Variants in PTPRN2 observed in about 807,000 individuals in gnomAD.
PTPRN2 encodes protein tyrosine phosphatase receptor type N2.
Under a neutral mutation model 118.8 loss-of-function variants are expected in PTPRN2, and 74 were observed. The ratio of observed to expected loss-of-function variants is 0.62; its 90% CI spans 0.52 to 0.76. The LOEUF (loss-of-function observed/expected upper bound fraction) is 0.76, where lower values mean the gene tolerates loss of function less well. Among genes scored for constraint, PTPRN2 ranks in the 30% least tolerant of loss-of-function variants. The pLI is 0.00. For missense variants in PTPRN2, 1,481 were observed against 1,394.4 expected, an observed-to-expected ratio of 1.06 and a Z score of -0.99; for synonymous variants, 641 against 608.0, an observed-to-expected ratio of 1.05 and a Z score of -0.80.
chr7:158,132,034 C>T (rs922822006), intron 9 of PTPRN2, among the ~76,000 whole-genome samples: 1 of 151,812 alleles, frequency 6.6e-6, no homozygotes, highest in Non-Finnish European at 1.5e-5. Flanking sequence ...GACATATACA[C>T]TCATACACAC....
At chr7:157,984,432 T>TCCACCCCCC (rs71189753) in intron 11 of PTPRN2, among the ~76,000 whole-genome samples, 1 of 1,686 alleles carries the variant, frequency 5.9e-4, no homozygotes, top group Non-Finnish European at 1.2e-3. Context: ...CACGCCAGGC[T>TCCACCCCCC]CCACGCCAGG....
chr7:158,017,090 C>T (rs568658368), intron 11 of PTPRN2, among the ~76,000 whole-genome samples: 10 of 152,310 alleles, frequency 6.6e-5, no homozygotes, highest in South Asian at 6.2e-4. Context: ...AGATTAATAA[C>T]GTTAACAAAC....
intron 11 of PTPRN2, among the ~76,000 whole-genome samples, chr7:158,066,710 T>C (rs564406520): frequency 1.3e-4 from 20 of 152,162 alleles, no homozygotes; most frequent in African/African-American, 4.8e-4. Flanking sequence ...GAATACATCC[T>C]TACCCAGATT....
At chr7:157,581,706 G>A (rs1478788929) in intron 17 of PTPRN2, among the ~76,000 whole-genome samples, 2 of 152,210 alleles carry the variant, frequency 1.3e-5, no homozygotes, top group Non-Finnish European at 2.9e-5. Flanking sequence ...AAACCATATT[G>A]TTGTTTGTTA....
At chr7:157,966,304 C>T (rs1204273152) in intron 11 of PTPRN2, among the ~76,000 whole-genome samples, 1 of 152,088 alleles carries the variant, frequency 6.6e-6, no homozygotes, top group Non-Finnish European at 1.5e-5. Flanking sequence ...TCACCATCAC[C>T]ACCATCATCT....
chr7:157,556,224 C>G (rs1161135807), intron 21 of PTPRN2, among the ~76,000 whole-genome samples: 3 of 152,120 alleles, frequency 2.0e-5, no homozygotes, highest in African/African-American at 7.2e-5. Flanking sequence ...CATGGGTACA[C>G]AGGCATGCAC....
intron 21 of PTPRN2, among the ~76,000 whole-genome samples, chr7:157,553,714 G>A (rs988358720): frequency 1.3e-5 from 2 of 152,156 alleles, no homozygotes; most frequent in African/African-American, 4.8e-5. Context: ...CGGAGTTAAC[G>A]CTTAAAAAGT....
intron 12 of PTPRN2, among the ~76,000 whole-genome samples, chr7:157,728,249 T>C (rs1799706915): frequency 6.6e-6 from 1 of 152,224 alleles, no homozygotes; most frequent in Admixed American, 6.5e-5. Flanking sequence ...TCATGCCTTG[T>C]ACAGCCTCCT....
chr7:158,448,513 C>T (rs371787447), intron 2 of PTPRN2, among the ~76,000 whole-genome samples: 1 of 152,014 alleles, frequency 6.6e-6, no homozygotes, highest in South Asian at 2.1e-4. Context: ...GGAGGGGGTC[C>T]CCTCCAGAGG....
intron 1 of PTPRN2, among the ~76,000 whole-genome samples, chr7:158,520,378 TATTA>T (rs1328033226): frequency 6.6e-6 from 1 of 152,184 alleles, no homozygotes; most frequent in East Asian, 1.9e-4. Context: ...TCCTGAAAAT[TATTA>T]TTTATGTCCA....
intron 3 of PTPRN2, among the ~76,000 whole-genome samples, chr7:158,310,081 G>A (rs1290343629): frequency 6.6e-6 from 1 of 152,138 alleles, no homozygotes; most frequent in African/African-American, 2.4e-5. Context: ...AATGTTTGCT[G>A]TTTCAGCCAC....
intron 10 of PTPRN2, among the ~76,000 whole-genome samples, chr7:158,105,827 C>A (rs1386506253): frequency 6.6e-6 from 1 of 152,078 alleles, no homozygotes; most frequent in Non-Finnish European, 1.5e-5. Context: ...CATCTTACGC[C>A]ATGCAGCCCC....
At chr7:157,646,957 C>G (rs1482795089) in intron 14 of PTPRN2, among the ~76,000 whole-genome samples, 2 of 149,130 alleles carry the variant, frequency 1.3e-5, no homozygotes, top group Non-Finnish European at 3.0e-5. Context: ...GTGCACTGAA[C>G]TCGGTGGGTT....
chr7:157,952,909 G>A (rs1376099034), intron 11 of PTPRN2, among the ~76,000 whole-genome samples: 2 of 152,114 alleles, frequency 1.3e-5, no homozygotes, highest in African/African-American at 4.8e-5. Flanking sequence ...TCCAGGACGT[G>A]AAGATGTCCA....
rs150628010 is a variant in PTPRN2 at position 158,178,827 on chromosome 7, G to T, written c.550-11536C>A. On this transcript the variant is annotated intron_variant, in intron 5 of 22. Transcript: ENST00000389418. ...TTGGCCAGGATGGTCTCAATCTCTT[G>T]AGGTCATGATCCACCTGCCTCGGCC... is the stretch of plus-strand genomic sequence containing the variant. Among the ~76,000 whole-genome samples the T allele has an allele frequency of 1.1e-4, 17 of 152,104 alleles. No homozygotes were observed. In the South Asian group the frequency reaches 3.5e-3, roughly 32 times the overall value.
In PTPRN2 at chr7:157,953,077, G is replaced by A. The variant is rs948302291; in HGVS notation, c.1724-54340C>T. 7.2e-5 allele frequency among the ~76,000 whole-genome samples: 11 copies of A among 151,970 alleles called. No individual in the cohort carries two copies. Among genetic ancestry groups the A allele is most frequent in the East Asian group, 1.9e-4 (1 of 5,166 alleles). ...GAACCACCTGACCACAGGGTGAGCC[G>A]TCCAGTGCCAGGAACCACCGGACCC... is the stretch of plus-strand genomic sequence containing the variant. On this transcript the variant is annotated intron_variant, in intron 11 of 22. Coordinates refer to ENST00000389418, the MANE Select transcript of PTPRN2 (RefSeq NM_002847.5). This position sits in a 1 kb window ranked among gnomAD's most constrained non-coding sequence, Gnocchi z 4.6.
chr7:158,002,895 A>G lies in PTPRN2; in HGVS notation c.1723+78403T>C, dbSNP rs1281421707. On this transcript the variant is annotated intron_variant, in intron 11 of 22. Transcript: ENST00000389418. ...CGTGGACACGGCTGGGCTGGATCTC[A>G]TCTGTGGAACTCCTGGCAGGAGATG... Among the ~76,000 whole-genome samples, 4 of 152,264 alleles carry G rather than the reference A, an allele frequency of 2.6e-5. No homozygotes were observed. In the East Asian group the frequency reaches 7.8e-4, roughly 30 times the overall value.
intron 1 of PTPRN2, among the ~76,000 whole-genome samples, chr7:158,498,532 T>C (rs1822115380): frequency 8.9e-6 from 1 of 112,734 alleles, no homozygotes. Context: ...TTATTCTAAA[T>C]GGCACGTGGT....
At position 158,298,448 on chromosome 7, in the gene PTPRN2, G is replaced by A. The variant is rs376913136; in HGVS notation, c.277+18371C>T. On this transcript the variant is annotated intron_variant, in intron 3 of 22. Coordinates refer to ENST00000389418, the MANE Select transcript of PTPRN2 (RefSeq NM_002847.5). ...TTGCATGTACATAATGAAATATCTT[G>A]GGGACAGGACCCAAGTCGAAACATG... is the stretch of plus-strand genomic sequence containing the variant. Among the ~76,000 whole-genome samples the A allele has an allele frequency of 5.3e-5, 8 of 152,284 alleles. 1 individual carries two copies. In the South Asian group the frequency reaches 1.7e-3, roughly 32 times the overall value.
Sources: gnomAD v4.1 joint callset for allele counts (sites outside exome capture counted in the v4.1 genomes callset) on GRCh38, gnomAD v4.1.1 for gene constraint, Gnocchi (gnomAD v3.1) non-coding constraint, MANE v1.5 for transcripts, NCBI Gene and HGNC (gene_info 2026-07-23, HGNC 2026-07-21) for gene names.